The following DCAF8L2 variants were observed in gnomAD, a reference collection of about 807,000 sequenced individuals.
DCAF8L2 encodes the protein DDB1- and CUL4-associated factor 8-like protein 2.
For synonymous variants in DCAF8L2, 200 were observed against 190.9 expected (o/e 1.05, Z -0.39); for missense variants, 430 against 490.7 (o/e 0.88, Z 1.17).
chrX:27,494,321 G>A, the DCAF8L2 span, among the ~76,000 whole-genome samples: 4 of 111,110 alleles, frequency 3.6e-5, no homozygotes, highest in South Asian at 7.6e-4. Flanking sequence ...CAGGAGAATC[G>A]CTTGAACCTG....
At chrX:27,702,325 T>C (rs1332052443) in intron 3 of DCAF8L2, among the ~76,000 whole-genome samples, 1 of 98,135 alleles carries the variant, frequency 1.0e-5, no homozygotes, top group Non-Finnish European at 2.1e-5. Context: ...AAAAAAAAAA[T>C]AGAAGATGGA....
At chrX:27,572,697 A>G in the DCAF8L2 span, among the ~76,000 whole-genome samples, 3 of 111,814 alleles carry the variant, frequency 2.7e-5, no homozygotes, top group Non-Finnish European at 1.9e-5. Flanking sequence ...TAGCCCATTC[A>G]TATGGGTCAG....
rs750812952 is a variant in DCAF8L2 at position 27,699,263 on chromosome X, G to A, written c.-142-16825G>A. ...GTGAGGGACCACGTGGATATTTGCA[G>A]AAAAGTAATGTTCCAGGAAGACAGC... On this transcript the variant is annotated intron_variant, in intron 3 of 4. Transcript: ENST00000451261. 1.1e-3 allele frequency among the ~76,000 whole-genome samples: 124 copies of A among 111,694 alleles called. 2 individuals are homozygous for A. Among genetic ancestry groups the A allele is most frequent in the Non-Finnish European group, 1.7e-3 (90 of 53,129 alleles).
chrX:27,634,140 T>G (rs1928402921), intron 2 of DCAF8L2, among the ~76,000 whole-genome samples: 1 of 112,009 alleles, frequency 8.9e-6, no homozygotes, highest in Non-Finnish European at 1.9e-5. Context: ...ACTAACATAG[T>G]CTGGTCCTTC....
chrX:27,557,912 G>A, the DCAF8L2 span, among the ~76,000 whole-genome samples: 2 of 111,457 alleles, frequency 1.8e-5, no homozygotes, highest in South Asian at 3.8e-4. Flanking sequence ...TCTCTAAGAG[G>A]AACTTAGATG....
intron 1 of DCAF8L2, among the ~76,000 whole-genome samples, chrX:27,604,441 T>C (rs987953475): frequency 3.6e-5 from 4 of 111,269 alleles, no homozygotes; most frequent in African/African-American, 1.3e-4. Context: ...GCTGTTACTG[T>C]CTCTTCATAC....
chrX:27,744,006 T>A (rs1922028245), intron 4 of DCAF8L2, among the ~76,000 whole-genome samples: 1 of 111,334 alleles, frequency 9.0e-6, no homozygotes, highest in African/African-American at 3.3e-5. Context: ...GTGCTGGGAT[T>A]ATAGACGTGA....
At chrX:27,539,981 C>G in the DCAF8L2 span, among the ~76,000 whole-genome samples, 1 of 110,189 alleles carries the variant, frequency 9.1e-6, no homozygotes, top group Non-Finnish European at 1.9e-5. Flanking sequence ...TCATTTCAGT[C>G]CTTAAAATCT....
chrX:27,533,204 A>AAG, the DCAF8L2 span, among the ~76,000 whole-genome samples: 1 of 49,960 alleles, frequency 2.0e-5, no homozygotes, highest in Non-Finnish European at 4.3e-5. Context: ...GAAAGAAAGA[A>AAG]AGAAAGAAAG....
At chrX:27,675,884 A>C (rs1930122625) in intron 2 of DCAF8L2, among the ~76,000 whole-genome samples, 2 of 112,407 alleles carry the variant, frequency 1.8e-5, no homozygotes, top group African/African-American at 6.5e-5. Context: ...GGACATAGTT[A>C]TCACAGCAGG....
At chrX:27,650,326 C>A (rs2147198678) in intron 2 of DCAF8L2, among the ~76,000 whole-genome samples, 1 of 111,631 alleles carries the variant, frequency 9.0e-6, no homozygotes, top group African/African-American at 3.3e-5. Flanking sequence ...TATTCTAGTT[C>A]TGTGAAAAAT....
At chrX:27,733,928 A>G (rs558684450) in intron 4 of DCAF8L2, among the ~76,000 whole-genome samples, 3 of 112,010 alleles carry the variant, frequency 2.7e-5, no homozygotes, top group African/African-American at 9.7e-5. Context: ...AATAAAAGAT[A>G]AATACCACAT....
the DCAF8L2 span, among the ~76,000 whole-genome samples, chrX:27,547,783 A>G: frequency 1.9e-5 from 2 of 107,332 alleles, no homozygotes; most frequent in African/African-American, 6.8e-5. Context: ...ACATATCAAG[A>G]TCTTTTGGTT....
At chrX:27,742,353 G>A (rs964453086) in intron 4 of DCAF8L2, among the ~76,000 whole-genome samples, 1 of 111,144 alleles carries the variant, frequency 9.0e-6, no homozygotes, top group Admixed American at 9.6e-5. Flanking sequence ...CGGATCACCT[G>A]AGGTCAGGAG....
At chrX:27,728,083 T>C (rs1920991426) in intron 4 of DCAF8L2, among the ~76,000 whole-genome samples, 1 of 111,687 alleles carries the variant, frequency 9.0e-6, no homozygotes. Flanking sequence ...ACCTCCTGCT[T>C]TGGGCTTGCC....
intron 2 of DCAF8L2, among the ~76,000 whole-genome samples, chrX:27,669,195 T>G (rs1308369404): frequency 9.0e-6 from 1 of 111,418 alleles, no homozygotes; most frequent in African/African-American, 3.3e-5. Context: ...TGTCAAACAG[T>G]AAAGGGAAAA....
At chrX:27,529,470 T>A in the DCAF8L2 span, among the ~76,000 whole-genome samples, 3 of 111,788 alleles carry the variant, frequency 2.7e-5, no homozygotes, top group Non-Finnish European at 5.6e-5. Context: ...AAGAATAAAA[T>A]GTTAGTAATG....
chrX:27,629,205 T>C (rs1033363080), intron 1 of DCAF8L2, among the ~76,000 whole-genome samples: 2 of 111,400 alleles, frequency 1.8e-5, no homozygotes, highest in Non-Finnish European at 3.8e-5. Context: ...AGAAGCTTTT[T>C]AGATTGATGT....
intron 3 of DCAF8L2, among the ~76,000 whole-genome samples, chrX:27,706,975 G>A (rs1447998353): frequency 8.9e-6 from 1 of 112,324 alleles, no homozygotes; most frequent in Non-Finnish European, 1.9e-5. Flanking sequence ...ACTGATACAT[G>A]CTACAATATG....
Sources: allele counts gnomAD v4.1 joint callset (sites outside exome capture counted in the v4.1 genomes callset), GRCh38; gene constraint gnomAD v4.1.1; transcripts MANE v1.5; gene names NCBI Gene and HGNC (gene_info 2026-07-23, HGNC 2026-07-21).